RAD51B: variants seen among roughly 807,000 people sequenced by gnomAD.
The protein encoded by RAD51B is DNA repair protein RAD51 homolog 2.
Under a neutral mutation model 42.2 loss-of-function variants are expected in RAD51B, and 38 were observed. The ratio of observed to expected loss-of-function variants is 0.90; its 90% CI spans 0.70 to 1.18. The LOEUF (loss-of-function observed/expected upper bound fraction) is 1.18. RAD51B is among the 50% of genes most tolerant of loss of function. RAD51B has a pLI of 0.00. For missense variants in RAD51B, 373 were observed against 400.7 expected (o/e 0.93, Z 0.59); for synonymous variants, 154 against 145.2 (o/e 1.06, Z -0.43).
intron 7 of RAD51B, among the ~76,000 whole-genome samples, chr14:68,005,045 GTTTTTTTTT>G (rs753867497): frequency 1.3e-5 from 1 of 79,502 alleles, no homozygotes; most frequent in African/African-American, 5.3e-5. Flanking sequence ...GTGTGTGTGT[GTTTTTTTTT>G]TTTTTTTTTT....
At chr14:68,593,736 G>A (rs1363568373) in intron 10 of RAD51B, among the ~76,000 whole-genome samples, 1 of 152,168 alleles carries the variant, frequency 6.6e-6, no homozygotes, top group Non-Finnish European at 1.5e-5. Flanking sequence ...CCCACTGTCT[G>A]TGCAGCCCCT....
At chr14:68,191,850 A>G (rs2079273687) in intron 7 of RAD51B, among the ~76,000 whole-genome samples, 1 of 152,182 alleles carries the variant, frequency 6.6e-6, no homozygotes, top group Non-Finnish European at 1.5e-5. Context: ...GCAGGCAGTA[A>G]AGTTACCTTG....
intron 7 of RAD51B, among the ~76,000 whole-genome samples, chr14:68,283,303 T>C (rs1340343273): frequency 1.3e-5 from 2 of 152,098 alleles, no homozygotes; most frequent in Non-Finnish European, 2.9e-5. Flanking sequence ...TGGGCAGTGA[T>C]CAGGTAGCAG....
At chr14:68,124,652 A>T (rs28372014) in intron 7 of RAD51B, among the ~76,000 whole-genome samples, 14,857 of 152,144 alleles carry the variant, frequency 0.098, 2,186 homozygotes, top group African/African-American at 0.32. Flanking sequence ...AGATATATAC[A>T]GTTGAAAGGA....
intron 7 of RAD51B, among the ~76,000 whole-genome samples, chr14:67,958,218 A>G (rs949870340): frequency 2.0e-4 from 30 of 152,184 alleles, no homozygotes; most frequent in Non-Finnish European, 1.2e-4. Context: ...ATGGAGCTCT[A>G]TATATGAAGC....
intron 7 of RAD51B, among the ~76,000 whole-genome samples, chr14:67,948,440 T>C (rs1391537329): frequency 6.6e-6 from 1 of 152,122 alleles, no homozygotes; most frequent in Admixed American, 6.6e-5. Flanking sequence ...GTTATAAATA[T>C]TTTGGTTTTG....
intron 7 of RAD51B, among the ~76,000 whole-genome samples, chr14:68,088,118 A>C (rs1185307717): frequency 6.7e-6 from 1 of 149,078 alleles, no homozygotes; most frequent in African/African-American, 2.5e-5. Context: ...TATTGTTAGA[A>C]TTCCAGATCA....
At chr14:68,369,003 G>A (rs1368234191) in intron 8 of RAD51B, among the ~76,000 whole-genome samples, 1 of 152,130 alleles carries the variant, frequency 6.6e-6, no homozygotes, top group Non-Finnish European at 1.5e-5. Context: ...TCCCCCATCT[G>A]TGTACAGTGA....
intron 8 of RAD51B, among the ~76,000 whole-genome samples, chr14:68,314,335 T>C (rs1297227158): frequency 6.6e-6 from 1 of 152,092 alleles, no homozygotes; most frequent in African/African-American, 2.4e-5. Flanking sequence ...CGAATGTCTC[T>C]CAGTGGTCAA....
At chr14:68,560,903 A>G (rs1889114116) in intron 10 of RAD51B, among the ~76,000 whole-genome samples, 1 of 151,950 alleles carries the variant, frequency 6.6e-6, no homozygotes, top group South Asian at 2.1e-4. Flanking sequence ...TCTCTCCCTC[A>G]TGCTCACTGG....
At chr14:68,373,430 A>G (rs2083300361) in intron 8 of RAD51B, among the ~76,000 whole-genome samples, 1 of 152,252 alleles carries the variant, frequency 6.6e-6, no homozygotes, top group Non-Finnish European at 1.5e-5. Context: ...ACTATGGAGT[A>G]CTATGCAGCC....
chr14:68,638,775 G>A (rs1381790193), intron 10 of RAD51B, among the ~76,000 whole-genome samples: 4 of 152,178 alleles, frequency 2.6e-5, no homozygotes, highest in Non-Finnish European at 4.4e-5. Flanking sequence ...GCAGAGGGCT[G>A]TGAGCTTTCA....
chr14:68,535,549 G>A (rs371582905), intron 10 of RAD51B, among the ~76,000 whole-genome samples: 3 of 152,064 alleles, frequency 2.0e-5, no homozygotes, highest in African/African-American at 7.3e-5. Context: ...GTGACACGTC[G>A]AGCTTACAGC....
At chr14:68,248,252 GT>G (rs2080542098) in intron 7 of RAD51B, among the ~76,000 whole-genome samples, 1 of 152,156 alleles carries the variant, frequency 6.6e-6, no homozygotes, top group African/African-American at 2.4e-5. Flanking sequence ...GTTCCAGTTT[GT>G]ATTATTGTAT....
chr14:67,928,454 C>T (rs1253597572), intron 7 of RAD51B, among the ~76,000 whole-genome samples: 1 of 152,078 alleles, frequency 6.6e-6, no homozygotes, highest in Admixed American at 6.5e-5. Context: ...CTGGAGGAGG[C>T]GGTGTCTGAT....
chr14:67,979,299 C>T (rs1295753233), intron 7 of RAD51B, among the ~76,000 whole-genome samples: 1 of 152,146 alleles, frequency 6.6e-6, no homozygotes, highest in Non-Finnish European at 1.5e-5. Context: ...ACTCTGATTT[C>T]TAATAGATTT....
intron 7 of RAD51B, among the ~76,000 whole-genome samples, chr14:67,936,976 A>G (rs2044978299): frequency 1.3e-5 from 2 of 151,950 alleles, no homozygotes. Flanking sequence ...TGGATACAAG[A>G]CCCTTAATAG....
intron 7 of RAD51B, among the ~76,000 whole-genome samples, chr14:68,187,659 A>G (rs191467934): frequency 5.9e-5 from 9 of 152,350 alleles, no homozygotes; most frequent in South Asian, 2.1e-4. Flanking sequence ...CTTAACTGAT[A>G]TTAGCATGTT....
chr14:68,328,024 A>G (rs2139789402), intron 8 of RAD51B, among the ~76,000 whole-genome samples: 1 of 152,174 alleles, frequency 6.6e-6, no homozygotes, highest in Non-Finnish European at 1.5e-5. Flanking sequence ...TCCCATAGGC[A>G]CTCACTTCCC....
Sources: gnomAD v4.1 joint callset for allele counts (sites outside exome capture counted in the v4.1 genomes callset) on GRCh38, gnomAD v4.1.1 for gene constraint, MANE v1.5 for transcripts, NCBI Gene and HGNC (gene_info 2026-07-23, HGNC 2026-07-21) for gene names.